Variants in CDKL4 observed in about 807,000 individuals in gnomAD.
CDKL4 encodes cyclin dependent kinase like 4.
In CDKL4, 44 loss-of-function variants were observed where a neutral mutation model predicts 42.0. The observed-to-expected ratio is 1.05, with a 90% CI of 0.82 to 1.35. The LOEUF (loss-of-function observed/expected upper bound fraction) is 1.35. Among genes scored for constraint, CDKL4 ranks in the 40% most tolerant of loss-of-function variants. The pLI is 0.00. For synonymous variants in CDKL4, 120 were observed against 121.6 expected, an observed-to-expected ratio of 0.99 and a Z score of 0.09; for missense variants, 393 against 369.9, an observed-to-expected ratio of 1.06 and a Z score of -0.51.
At chr2:39,206,197 A>T (rs1677176588) in intron 4 of CDKL4, among the ~76,000 whole-genome samples, 1 of 151,732 alleles carries the variant, frequency 6.6e-6, no homozygotes, top group South Asian at 2.1e-4. Flanking sequence ...GGGACTACGG[A>T]TGTGTCCCGA....
intron 5 of CDKL4, among the ~76,000 whole-genome samples, chr2:39,203,651 A>G (rs1038850753): frequency 3.3e-5 from 5 of 152,248 alleles, no homozygotes; most frequent in South Asian, 2.1e-4. Flanking sequence ...TTCCGATGCC[A>G]CTGAAACTCT....
chr2:39,173,934 G>T (rs929974281), downstream of CDKL4, among the ~76,000 whole-genome samples: 1 of 151,900 alleles, frequency 6.6e-6, no homozygotes, highest in Non-Finnish European at 1.5e-5. Flanking sequence ...AGTGAGCCAC[G>T]ATTGCGCCAC....
intron 1 of CDKL4, among the ~76,000 whole-genome samples, chr2:39,239,126 C>A (rs1313481834): frequency 6.6e-6 from 1 of 152,268 alleles, no homozygotes; most frequent in African/African-American, 2.4e-5. Flanking sequence ...GATACTAGGA[C>A]CATTGGATAT....
chr2:39,244,397 C>A (rs1462424703), upstream of CDKL4, among the ~76,000 whole-genome samples: 1 of 152,244 alleles, frequency 6.6e-6, no homozygotes, highest in Non-Finnish European at 1.5e-5. Flanking sequence ...CGACCCCGGG[C>A]AATGAGGGAC....
chr2:39,202,469 C>T (rs1676916702), intron 5 of CDKL4, among the ~76,000 whole-genome samples: 1 of 152,100 alleles, frequency 6.6e-6, no homozygotes, highest in Non-Finnish European at 1.5e-5. Flanking sequence ...TATTTTCTCC[C>T]TTTCCATGGG....
chr2:39,223,335 A>G (rs1488148281), intron 3 of CDKL4, among the ~76,000 whole-genome samples: 1 of 152,146 alleles, frequency 6.6e-6, no homozygotes, highest in African/African-American at 2.4e-5. Context: ...CTCTTGATCA[A>G]AGGATGAAAA....
chr2:39,192,737 T>C (rs944332547), intron 5 of CDKL4, among the ~76,000 whole-genome samples: 3 of 152,128 alleles, frequency 2.0e-5, no homozygotes, highest in African/African-American at 7.2e-5. Context: ...TGACAGGATT[T>C]ACTTTACCTT....
chr2:39,220,061 C>T (rs1004046090), intron 3 of CDKL4, among the ~76,000 whole-genome samples: 5 of 152,160 alleles, frequency 3.3e-5, no homozygotes, highest in African/African-American at 1.2e-4. Context: ...AATAACCCTG[C>T]AGGGTGCTCA....
intron 5 of CDKL4, among the ~76,000 whole-genome samples, chr2:39,200,793 A>G (rs187437262): frequency 1.4e-4 from 21 of 152,350 alleles, no homozygotes; most frequent in Non-Finnish European, 2.9e-5. Context: ...CACATGTAGA[A>G]GAATGAAACT....
chr2:39,178,099 T>G (rs1675246406), intron 9 of CDKL4, among the ~76,000 whole-genome samples: 1 of 152,234 alleles, frequency 6.6e-6, no homozygotes, highest in Non-Finnish European at 1.5e-5. Context: ...TAAGCTGCAT[T>G]GGGCTTGATT....
At chr2:39,215,971 A>G (rs151282145) in intron 3 of CDKL4, among the ~76,000 whole-genome samples, 75 of 152,290 alleles carry the variant, frequency 4.9e-4, no homozygotes, top group African/African-American at 1.8e-3. Flanking sequence ...CTTCACCTAG[A>G]GCCAAACCTG....
intron 5 of CDKL4, among the ~76,000 whole-genome samples, chr2:39,201,984 C>T (rs1676880865): frequency 6.6e-6 from 1 of 152,138 alleles, no homozygotes; most frequent in Non-Finnish European, 1.5e-5. Context: ...GTAATCCCAG[C>T]ACTTTGGGAG....
intron 7 of CDKL4, among the ~76,000 whole-genome samples, chr2:39,186,881 CTTTAAA>C (rs1422592347): frequency 6.6e-6 from 1 of 152,030 alleles, no homozygotes; most frequent in African/African-American, 2.4e-5. Context: ...TATATTTTCA[CTTTAAA>C]TTTAACATTA....
intron 3 of CDKL4, among the ~76,000 whole-genome samples, chr2:39,224,002 G>A (rs1223338971): frequency 3.3e-5 from 5 of 151,994 alleles, no homozygotes; most frequent in Admixed American, 2.0e-4. Context: ...GCACTGGCTG[G>A]GTGCACAGTC....
intron 7 of CDKL4, among the ~76,000 whole-genome samples, chr2:39,185,263 TAC>T (rs1408272884): frequency 1.5e-4 from 10 of 66,582 alleles, no homozygotes; most frequent in Non-Finnish European, 2.6e-4. Context: ...TATGTATATA[TAC>T]ATATATATAC....
chr2:39,226,464 A>ATT (rs1386402280), intron 2 of CDKL4, among the ~76,000 whole-genome samples: 4 of 143,182 alleles, frequency 2.8e-5, no homozygotes, highest in Non-Finnish European at 6.0e-5. Context: ...TATTATATAT[A>ATT]TTATATATAT....
At chr2:39,188,508 G>C (rs888393584) in intron 6 of CDKL4, among the ~76,000 whole-genome samples, 2 of 129,536 alleles carry the variant, frequency 1.5e-5, no homozygotes, top group Non-Finnish European at 3.1e-5. Flanking sequence ...GTTGCAGTGA[G>C]CCAAGATCAC....
Position 39,209,269 on chromosome 2 carries a change from G to A in CDKL4, c.363+4131C>T, listed in dbSNP as rs1277354495. On this transcript the variant is annotated intron_variant, in intron 4 of 9. Transcript: ENST00000451199. ...TGAGGTTGCAGTGAGCCGTGAAGGC[G>A]CCACTGCATTCTAGCCTGGGAAACA... 5.3e-5 allele frequency among the ~76,000 whole-genome samples: 8 copies of A among 150,246 alleles called. No individual in the cohort carries two copies. The East Asian group carries it at 9.7e-4, about 18-fold the overall frequency.
At chr2:39,209,313 G>C (rs1024856271) in intron 4 of CDKL4, among the ~76,000 whole-genome samples, 31 of 52,400 alleles carry the variant, frequency 5.9e-4, no homozygotes, top group African/African-American at 1.3e-3. Context: ...TCCTGTCTCA[G>C]GAAGAAAAAA....
Sources: allele counts gnomAD v4.1 joint callset (sites outside exome capture counted in the v4.1 genomes callset), GRCh38; gene constraint gnomAD v4.1.1; transcripts MANE v1.5; gene names NCBI Gene and HGNC (gene_info 2026-07-23, HGNC 2026-07-21).